The following UBE3C variants were observed in gnomAD, a reference collection of about 807,000 sequenced individuals.
The protein encoded by UBE3C is ubiquitin-protein ligase E3C.
Under a neutral mutation model 129.4 loss-of-function variants are expected in UBE3C, and 42 were observed. The ratio of observed to expected loss-of-function variants is 0.32; its 90% CI spans 0.25 to 0.42. UBE3C has a LOEUF of 0.42. Among genes scored for constraint, UBE3C ranks in the 10% least tolerant of loss-of-function variants. UBE3C has a pLI of 1.00. For missense variants in UBE3C, 1,049 were observed against 1,319.1 expected, an observed-to-expected ratio of 0.80 and a Z score of 3.17; for synonymous variants, 510 against 492.4, an observed-to-expected ratio of 1.04 and a Z score of -0.47.
intron 10 of UBE3C, among the ~76,000 whole-genome samples, chr7:157,196,265 T>C (rs1446663316): frequency 6.6e-6 from 1 of 152,270 alleles, no homozygotes; most frequent in Non-Finnish European, 1.5e-5. Flanking sequence ...GAAACCCGTT[T>C]GGACTCCTAA....
chr7:157,198,202 A>G, intron 10 of UBE3C: 1 of 1,565,428 alleles, frequency 6.4e-7, no homozygotes. Flanking sequence ...CCATGCATAT[A>G]TTCAGACCGC....
chr7:157,218,584 C>T (rs1795645831), intron 14 of UBE3C, among the ~76,000 whole-genome samples: 1 of 152,178 alleles, frequency 6.6e-6, no homozygotes, highest in Non-Finnish European at 1.5e-5. Context: ...TAACTCTGCC[C>T]ACTGACAAGG....
chr7:157,263,903 A>G (rs1014064077), intron 22 of UBE3C, among the ~76,000 whole-genome samples: 5 of 152,034 alleles, frequency 3.3e-5, no homozygotes, highest in Non-Finnish European at 4.4e-5. Flanking sequence ...TGTTTTATCT[A>G]CCTACATGAG....
At chr7:157,147,186 G>A (rs1807629512) in intron 1 of UBE3C, among the ~76,000 whole-genome samples, 1 of 152,052 alleles carries the variant, frequency 6.6e-6, no homozygotes, top group African/African-American at 2.4e-5. Flanking sequence ...CTCTTAATTT[G>A]TTTAGTTCTT....
At chr7:157,172,947 T>C (rs1470397007) in intron 4 of UBE3C, among the ~76,000 whole-genome samples, 2 of 152,182 alleles carry the variant, frequency 1.3e-5, no homozygotes, top group African/African-American at 2.4e-5. Context: ...TCAGAAGCCA[T>C]CTGTGAAAAG....
At chr7:157,167,506 G>T (rs762635968) in intron 2 of UBE3C, among the ~76,000 whole-genome samples, 13 of 151,636 alleles carry the variant, frequency 8.6e-5, no homozygotes, top group Admixed American at 3.9e-4. Flanking sequence ...TAAGATGACT[G>T]TGCATTTGTA....
intron 22 of UBE3C, among the ~76,000 whole-genome samples, chr7:157,261,875 A>T (rs752789990): frequency 5.3e-5 from 8 of 152,246 alleles, no homozygotes; most frequent in Non-Finnish European, 8.8e-5. Context: ...CTCTGAATTA[A>T]TGCAAATTCC....
At chr7:157,226,333 TTCGTCG>T (rs1220606216) in intron 17 of UBE3C, among the ~76,000 whole-genome samples, 1 of 152,218 alleles carries the variant, frequency 6.6e-6, no homozygotes, top group African/African-American at 2.4e-5. Flanking sequence ...ACTGGCACGT[TTCGTCG>T]TATGTTCATA....
Position 157,165,903 on chromosome 7 carries a change from A to G in UBE3C, c.120+2040A>G, listed in dbSNP as rs1279874434. 1.1e-4 allele frequency among the ~76,000 whole-genome samples: 17 copies of G among 152,054 alleles called. 1 individual carries two copies. Among genetic ancestry groups the G allele is most frequent in the Admixed American group, 1.1e-3 (17 of 15,254 alleles). On this transcript the variant is annotated intron_variant, in intron 2 of 22. Transcript: ENST00000348165. ...GTTTGTCTTCTTGATTTTTAATCTG[A>G]TGGGGTTTCCTTTATAGGTGACTAG...
chr7:157,220,401 AATTAT>A (rs1795705119), intron 14 of UBE3C, among the ~76,000 whole-genome samples: 2 of 152,258 alleles, frequency 1.3e-5, no homozygotes, highest in South Asian at 4.1e-4. Flanking sequence ...TTCATAAAGC[AATTAT>A]ATTATTTTAC....
chr7:157,142,789 C>T (rs968497660), intron 1 of UBE3C, among the ~76,000 whole-genome samples: 2 of 152,064 alleles, frequency 1.3e-5, no homozygotes, highest in African/African-American at 4.8e-5. Flanking sequence ...CAAACCTCCG[C>T]GTCCTGCAGT....
intron 10 of UBE3C, among the ~76,000 whole-genome samples, chr7:157,195,561 G>C (rs908332174): frequency 1.3e-5 from 2 of 152,094 alleles, no homozygotes; most frequent in African/African-American, 4.8e-5. Flanking sequence ...TCTGCTTTTT[G>C]AACAGGAATG....
intron 10 of UBE3C, among the ~76,000 whole-genome samples, chr7:157,195,796 CT>C (rs370210251): frequency 6.6e-5 from 10 of 152,218 alleles, no homozygotes; most frequent in African/African-American, 2.4e-4. Context: ...TGGGTTGTGA[CT>C]TTTGAGCACC....
Position 157,197,749 on chromosome 7 carries a change from G to A in UBE3C, c.1332-3972G>A, listed in dbSNP as rs1040607527. The stretch of plus-strand genomic sequence containing the variant: ...GGACAAGACTGTACAATAAAGTTCC[G>A]GACATCCAGGATCCTGTGTGTACTA... On this transcript the variant is annotated intron_variant, in intron 10 of 22. Coordinates refer to ENST00000348165, the MANE Select transcript of UBE3C (RefSeq NM_014671.3). 2.2e-5 allele frequency: 35 copies of A among 1,611,628 alleles called. No homozygotes were observed. The South Asian group carries it at 2.5e-4, about 12-fold the overall frequency.
intron 11 of UBE3C, among the ~76,000 whole-genome samples, chr7:157,206,759 ATTAAT>A (rs1214819071): frequency 6.9e-6 from 1 of 145,870 alleles, no homozygotes; most frequent in Non-Finnish European, 1.5e-5. Flanking sequence ...CACCTGGCTA[ATTAAT>A]TTAATATATC....
chr7:157,140,114 C>G (rs932955013), intron 1 of UBE3C: 2 of 823,118 alleles, frequency 2.4e-6, no homozygotes, highest in African/African-American at 1.9e-5. Flanking sequence ...TCAGTTGGTT[C>G]ACTGGAACCG....
chr7:157,187,591 T>C (rs796805352), intron 10 of UBE3C, among the ~76,000 whole-genome samples: 1 of 151,568 alleles, frequency 6.6e-6, no homozygotes, highest in South Asian at 2.1e-4. Context: ...TTTGTTTTTT[T>C]TTTTGAGATG....
intron 2 of UBE3C, among the ~76,000 whole-genome samples, 160 bp downstream of exon 2, chr7:157,164,023 C>T (rs948011321): frequency 2.6e-5 from 4 of 151,634 alleles, no homozygotes; most frequent in Admixed American, 6.6e-5. Flanking sequence ...ATTCTGGAGC[C>T]GGTGTAGAAA....
At chr7:157,208,963 T>C (rs1261800389) in intron 13 of UBE3C, among the ~76,000 whole-genome samples, 2 of 152,272 alleles carry the variant, frequency 1.3e-5, no homozygotes, top group Non-Finnish European at 2.9e-5. Flanking sequence ...CGCACACTAA[T>C]GTTCAGTTCG....
Sources: allele counts gnomAD v4.1 joint callset (sites outside exome capture counted in the v4.1 genomes callset), GRCh38; gene constraint gnomAD v4.1.1; transcripts MANE v1.5; gene names NCBI Gene and HGNC (gene_info 2026-07-23, HGNC 2026-07-21).